Variants in LRRC20 observed in about 807,000 individuals in gnomAD.
The protein encoded by LRRC20 is leucine-rich repeat-containing protein 20.
A neutral mutation model predicts 14.4 loss-of-function variants in LRRC20; 11 were observed. That is an observed-to-expected ratio of 0.77 (90% CI 0.48 to 1.27). The LOEUF is 1.27. Ranked by LOEUF, LRRC20 falls within the 50% of genes most tolerant of loss-of-function variation. The pLI, the probability that LRRC20 is intolerant of heterozygous loss-of-function variation, is 0.00. For missense variants in LRRC20, 219 were observed against 251.2 expected, an observed-to-expected ratio of 0.87 and a Z score of 0.87; for synonymous variants, 121 against 107.3, an observed-to-expected ratio of 1.13 and a Z score of -0.79.
At chr10:70,349,856 T>C (rs1210731196) in intron 2 of LRRC20, among the ~76,000 whole-genome samples, 1 of 152,136 alleles carries the variant, frequency 6.6e-6, no homozygotes, top group African/African-American at 2.4e-5. Context: ...ATTTTAGCAT[T>C]GAGAGTCTTG....
At position 70,301,328 on chromosome 10, in the gene LRRC20, T is replaced by A; in HGVS notation, c.*26A>T. The A allele has an allele frequency of 6.2e-7, 1 of 1,604,594 alleles. No individual in the cohort carries two copies. The highest frequency in any genetic ancestry group is 8.5e-7 in the Non-Finnish European group (1 of 1,176,504). On this transcript the variant is annotated 3_prime_UTR_variant, in exon 5 of 5. Coordinates refer to ENST00000446961, the MANE Select transcript of LRRC20 (RefSeq NM_001278212.2). ...TTCCAGGCCTGTGGCCTCTGCCCCT[T>A]GCTGGGTGGGCATGAGGAGGGTGGC...
At chr10:70,313,123 G>A (rs1841731933) in intron 4 of LRRC20, among the ~76,000 whole-genome samples, 1 of 152,178 alleles carries the variant, frequency 6.6e-6, no homozygotes, top group South Asian at 2.1e-4. Flanking sequence ...TTGCAAAAAT[G>A]ACTCAGTCTT....
At position 70,300,677 on chromosome 10, in the gene LRRC20, G is replaced by A. The variant is rs1286172528; in HGVS notation, c.*677C>T. The A allele has an allele frequency of 7.1e-6, 7 of 985,566 alleles. No homozygotes were observed. The highest frequency in any genetic ancestry group is 5.2e-5 in the African/African-American group (3 of 57,252). 61.1% of individuals were successfully genotyped at this position (985,566 alleles called of 1,614,324 possible). On this transcript the variant is annotated 3_prime_UTR_variant, in exon 5 of 5. Transcript: ENST00000446961. Reference sequence around the variant, plus strand: ...AACTGTGGGGAATGACAGAGCTGACGTGACTTGCTCCCCATTCCCAGCCTG... The same window carrying A: ...AACTGTGGGGAATGACAGAGCTGACATGACTTGCTCCCCATTCCCAGCCTG...
At chr10:70,330,703 G>T (rs975867576) in intron 3 of LRRC20, among the ~76,000 whole-genome samples, 8 of 152,190 alleles carry the variant, frequency 5.3e-5, no homozygotes, top group Admixed American at 2.6e-4. Flanking sequence ...GGAGGCACCG[G>T]CAAGAGAGCA....
At chr10:70,330,514 CT>C (rs1300160567) in intron 3 of LRRC20, among the ~76,000 whole-genome samples, 3 of 152,162 alleles carry the variant, frequency 2.0e-5, no homozygotes, top group South Asian at 4.1e-4. Flanking sequence ...TGTCCCACCC[CT>C]GTCAGTCACC....
At chr10:70,340,761 T>C in intron 2 of LRRC20, 59 bp from the exon 3 acceptor site, 3 of 1,588,122 alleles carry the variant, frequency 1.9e-6, no homozygotes, top group Non-Finnish European at 2.6e-6. Context: ...CGAGAACTTG[T>C]CCCAGACTCA....
chr10:70,361,332 G>C (rs938967048), intron 2 of LRRC20, among the ~76,000 whole-genome samples: 4 of 152,256 alleles, frequency 2.6e-5, no homozygotes, highest in Non-Finnish European at 2.9e-5. Context: ...GAGCAAGAGA[G>C]AGTGAGTCTC....
At chr10:70,376,797 T>A (rs1844528022) in intron 1 of LRRC20, 1 of 501,108 alleles carries the variant, frequency 2.0e-6, no homozygotes, top group Non-Finnish European at 3.6e-6. Flanking sequence ...TCTGCCAGTC[T>A]GGCAGCTGGG....
intron 4 of LRRC20, among the ~76,000 whole-genome samples, chr10:70,303,908 T>G (rs1302102314): frequency 6.6e-6 from 1 of 152,292 alleles, no homozygotes; most frequent in African/African-American, 2.4e-5. Context: ...CAGAAGTATT[T>G]TGGAATTAGA....
chr10:70,351,736 G>A (rs921255000), intron 2 of LRRC20, among the ~76,000 whole-genome samples: 3 of 152,196 alleles, frequency 2.0e-5, no homozygotes, highest in African/African-American at 7.2e-5. Flanking sequence ...TGGAAGCCAT[G>A]CATCTATAGG....
Position 70,300,818 on chromosome 10 carries a change from G to T in LRRC20, c.*536C>A, listed in dbSNP as rs1841146234. 1.0e-6 allele frequency: 1 copy of T among 985,800 alleles called. No homozygotes were observed. The allele number at this position is 985,800 out of a possible 1,614,324, so 61.1% of individuals were successfully genotyped here. ...GTTCCCACCAGTCCAGGGACCACAG[G>T]ACTGAAGACTGGGCCCTGCAGAGGG... On this transcript the variant is annotated 3_prime_UTR_variant, in exon 5 of 5. Coordinates refer to ENST00000446961, the MANE Select transcript of LRRC20 (RefSeq NM_001278212.2).
chr10:70,330,083 TTGTC>T (rs1319505051), intron 3 of LRRC20, among the ~76,000 whole-genome samples: 1 of 152,222 alleles, frequency 6.6e-6, no homozygotes, highest in African/African-American at 2.4e-5. Flanking sequence ...TATACTGTCT[TTGTC>T]TGCATTTGAT....
rs533692491 is a variant in LRRC20 at position 70,362,604 on chromosome 10, G to A, written c.82+13848C>T. On this transcript the variant is annotated intron_variant, in intron 2 of 4. Coordinates refer to ENST00000446961, the MANE Select transcript of LRRC20 (RefSeq NM_001278212.2). ...CTGGACCACAGCCTCCTGTAAAACA[G>A]AACTCTCATCTTTTCACCTCACCCA... is the stretch of plus-strand genomic sequence containing the variant. 2.0e-5 allele frequency among the ~76,000 whole-genome samples: 3 copies of A among 152,348 alleles called. No individual in the cohort carries two copies. The South Asian group carries it at 6.2e-4, about 32-fold the overall frequency.
intron 1 of LRRC20, among the ~76,000 whole-genome samples, chr10:70,382,332 G>A (rs768464455): frequency 1.6e-4 from 24 of 152,222 alleles, no homozygotes; most frequent in Non-Finnish European, 3.1e-4. Flanking sequence ...GCAAGAGCCC[G>A]CGCATGCCGA....
At chr10:70,313,705 T>C (rs1841750514) in intron 4 of LRRC20, among the ~76,000 whole-genome samples, 1 of 152,182 alleles carries the variant, frequency 6.6e-6, no homozygotes, top group South Asian at 2.1e-4. Context: ...ACTAACAAGT[T>C]AGCCACAAGG....
At chr10:70,328,104 A>G (rs558167622) in intron 3 of LRRC20, among the ~76,000 whole-genome samples, 3 of 152,228 alleles carry the variant, frequency 2.0e-5, no homozygotes, top group African/African-American at 7.2e-5. Flanking sequence ...GCCTCATGAG[A>G]AGGTCTTTCC....
intron 1 of LRRC20, chr10:70,381,803 CCCG>C (rs1844717513): frequency 6.6e-6 from 1 of 152,310 alleles, no homozygotes; most frequent in Admixed American, 6.5e-5. Flanking sequence ...GGGAAAGAAG[CCCG>C]CTGGGACGTG....
At chr10:70,373,899 T>C (rs933727633) in intron 2 of LRRC20, among the ~76,000 whole-genome samples, 14 of 152,202 alleles carry the variant, frequency 9.2e-5, no homozygotes, top group African/African-American at 3.4e-4. Flanking sequence ...TCCCAGGCAG[T>C]GCAGGGGAGC....
chr10:70,327,401 C>T (rs938790341), intron 3 of LRRC20, among the ~76,000 whole-genome samples: 1 of 151,814 alleles, frequency 6.6e-6, no homozygotes, highest in African/African-American at 2.4e-5. Flanking sequence ...ATGGTGAAAC[C>T]CCATCTCTAT....
Sources: allele counts gnomAD v4.1 joint callset (sites outside exome capture counted in the v4.1 genomes callset), GRCh38; gene constraint gnomAD v4.1.1; transcripts MANE v1.5; gene names NCBI Gene and HGNC (gene_info 2026-07-23, HGNC 2026-07-21).